The following SLC28A1 variants were observed in gnomAD, a reference collection of about 807,000 sequenced individuals.
SLC28A1 encodes sodium/nucleoside cotransporter 1.
SLC28A1 carries 64 observed loss-of-function variants against 74.8 expected under a neutral mutation model. The ratio of observed to expected loss-of-function variants is 0.86; its 90% CI spans 0.70 to 1.05. SLC28A1 has a LOEUF of 1.05. Ranked by LOEUF, SLC28A1 falls within the 50% of genes least tolerant of loss-of-function variation. The pLI, the probability that SLC28A1 is intolerant of heterozygous loss-of-function variation, is 0.00. For synonymous variants in SLC28A1, 359 were observed against 335.0 expected (o/e 1.07, Z -0.78); for missense variants, 828 against 822.8 (o/e 1.01, Z -0.08).
At chr15:84,928,586 CTTT>C (rs1970843872) in intron 12 of SLC28A1, among the ~76,000 whole-genome samples, 2 of 22,328 alleles carry the variant, frequency 9.0e-5, no homozygotes, top group African/African-American at 8.7e-4. Context: ...TTCTTTCTTT[CTTT>C]CTTTCTTTCT....
intron 4 of SLC28A1, 146 bp from the exon 5 acceptor site, chr15:84,890,297 C>T: frequency 1.5e-6 from 1 of 681,984 alleles, no homozygotes; most frequent in African/African-American, 1.8e-5. Context: ...CTGGGGTTGC[C>T]CTGCAGCCCT....
chr15:84,887,890 C>T, intron 3 of SLC28A1, 34 bp downstream of exon 3: 1 of 1,512,976 alleles, frequency 6.6e-7, no homozygotes. Context: ...ATCCTGACCC[C>T]TCAGCCTCTT....
At chr15:84,889,264 G>A (rs960263042) in intron 4 of SLC28A1, among the ~76,000 whole-genome samples, 5 of 152,212 alleles carry the variant, frequency 3.3e-5, no homozygotes, top group African/African-American at 1.2e-4. Flanking sequence ...TAGAAGCCCA[G>A]AGAGGGGAAG....
intron 12 of SLC28A1, among the ~76,000 whole-genome samples, chr15:84,929,447 G>A (rs1156716425): frequency 6.6e-6 from 1 of 151,880 alleles, no homozygotes; most frequent in Non-Finnish European, 1.5e-5. Flanking sequence ...AGGAGTCTGA[G>A]GTGGGAGAAT....
intron 6 of SLC28A1, among the ~76,000 whole-genome samples, chr15:84,902,181 C>A (rs1966747575): frequency 6.6e-6 from 1 of 152,032 alleles, no homozygotes; most frequent in Non-Finnish European, 1.5e-5. Flanking sequence ...ATATAAAATT[C>A]TTAAAAATGC....
intron 13 of SLC28A1, among the ~76,000 whole-genome samples, chr15:84,934,332 A>T: frequency 6.6e-6 from 1 of 152,116 alleles, no homozygotes. Flanking sequence ...GAAAGGCCCC[A>T]TGCCCCCATC....
the SLC28A1 span, among the ~76,000 whole-genome samples, chr15:84,971,194 A>C: frequency 1.3e-5 from 2 of 152,190 alleles, no homozygotes; most frequent in Non-Finnish European, 2.9e-5. Context: ...AACCACAGAG[A>C]TATTTCAAGT....
At chr15:84,908,582 G>T (rs931390423) in intron 8 of SLC28A1, 136 bp from the exon 9 acceptor site, 2 of 721,028 alleles carry the variant, frequency 2.8e-6, no homozygotes, top group Non-Finnish European at 4.9e-6. Flanking sequence ...ACCTTGCCAG[G>T]TGGTGCCCCC....
At chr15:84,919,599 G>A (rs942697890) in intron 10 of SLC28A1, among the ~76,000 whole-genome samples, 3 of 152,182 alleles carry the variant, frequency 2.0e-5, no homozygotes, top group Non-Finnish European at 1.5e-5. Flanking sequence ...GCAGAAGGCA[G>A]AAGTGAGCAC....
intron 12 of SLC28A1, among the ~76,000 whole-genome samples, chr15:84,928,874 C>T (rs1433302697): frequency 6.6e-6 from 1 of 151,822 alleles, no homozygotes; most frequent in Non-Finnish European, 1.5e-5. Context: ...CCACCCGCCT[C>T]GGCCTCCCAA....
intron 5 of SLC28A1, 21 bp downstream of exon 5, chr15:84,890,555 TA>T: frequency 6.3e-7 from 1 of 1,577,684 alleles, no homozygotes; most frequent in Non-Finnish European, 8.7e-7. Context: ...GGCCCAGCAC[TA>T]CCCAGGACAC....
chr15:84,904,088 T>A lies in SLC28A1; in HGVS notation c.462-9T>A, dbSNP rs765887772. ...CTGAGGGTAATGGCTTTCTGTCTCT[T>A]GCCTGCAGGGGTCTAGCTCTTGCTG... is the stretch of plus-strand genomic sequence containing the variant. On this transcript the variant is annotated splice_polypyrimidine_tract_variant and intron_variant, in intron 6 of 18. Coordinates refer to ENST00000394573, the MANE Select transcript of SLC28A1 (RefSeq NM_004213.5). 12 of 1,614,056 alleles carry A rather than the reference T, an allele frequency of 7.4e-6. No individual in the cohort carries two copies. In the Admixed American group the frequency reaches 2.0e-4, roughly 27 times the overall value.
In SLC28A1 at chr15:84,935,479, G is replaced by T. The variant is rs1971772600; in HGVS notation, c.1542G>T (p.Gly514=). Residue 514 remains glycine (G), a synonymous_variant, in exon 15 of 19, where the codon GGG becomes GGT. Transcript: ENST00000394573. The part of the protein sequence containing the change: ...LSKYKQRRLA[G]AEEWVGDRKQ... ...AGTACAAGCAACGCCGCCTGGCAGG[G>T]GCCGAGGAGTGGGTCGGCGACAGGA... 6.2e-7 allele frequency: 1 copy of T among 1,614,098 alleles called. No individual in the cohort carries two copies. Among genetic ancestry groups the T allele is most frequent in the South Asian group, 1.1e-5 (1 of 91,084 alleles).
In SLC28A1 at chr15:84,935,454, A is replaced by G. The variant is rs1388455770; in HGVS notation, c.1517A>G (p.Lys506Arg). The G allele has an allele frequency of 3.1e-6, 5 of 1,614,102 alleles. No individual in the cohort carries two copies. The highest frequency in any genetic ancestry group is 1.1e-5 in the South Asian group (1 of 91,090). Reference protein sequence around the residue: ...NEFVAYQDLSKYKQRRLAGAE... With the variant: ...NEFVAYQDLSRYKQRRLAGAE... Reference sequence around the variant, plus strand: ...TTTGTGGCCTATCAAGACCTCTCCAAGTACAAGCAACGCCGCCTGGCAGGG... The same window carrying G: ...TTTGTGGCCTATCAAGACCTCTCCAGGTACAAGCAACGCCGCCTGGCAGGG... The change falls in exon 15 of 19, where the codon AAG becomes AGG. Residue 506 changes from lysine (K) to arginine (R), a missense_variant. By Grantham distance (26) the Lys-to-Arg change is conservative. Transcript: ENST00000394573.
At chr15:84,923,695 T>C (rs1439787244) in intron 11 of SLC28A1, among the ~76,000 whole-genome samples, 1 of 152,084 alleles carries the variant, frequency 6.6e-6, no homozygotes, top group African/African-American at 2.4e-5. Flanking sequence ...CCCAATTCTA[T>C]CTCAGAAGGT....
At chr15:84,918,444 C>T in intron 9 of SLC28A1, 80 bp from the exon 10 acceptor site, 1 of 1,032,366 alleles carries the variant, frequency 9.7e-7, no homozygotes, top group Non-Finnish European at 1.5e-6. Context: ...AGTGGGCTGT[C>T]TGGGGTCTCC....
chr15:84,898,562 G>A (rs2141715250), intron 6 of SLC28A1, among the ~76,000 whole-genome samples: 1 of 142,946 alleles, frequency 7.0e-6, no homozygotes, highest in East Asian at 2.0e-4. Context: ...CTGGGCGACA[G>A]AGCAAGACTC....
chr15:84,916,939 A>T (rs375667739), intron 9 of SLC28A1, among the ~76,000 whole-genome samples: 1 of 151,138 alleles, frequency 6.6e-6, no homozygotes, highest in Non-Finnish European at 1.5e-5. Context: ...GAGGCAGGAG[A>T]ATCACTTGAA....
intron 9 of SLC28A1, among the ~76,000 whole-genome samples, chr15:84,910,139 G>A (rs1043760500): frequency 3.3e-5 from 5 of 152,172 alleles, no homozygotes; most frequent in Admixed American, 2.0e-4. Context: ...GGAGGAAAGG[G>A]AGGGGCCCAG....
Sources: allele counts gnomAD v4.1 joint callset (sites outside exome capture counted in the v4.1 genomes callset), GRCh38; gene constraint gnomAD v4.1.1; transcripts MANE v1.5; gene names NCBI Gene and HGNC (gene_info 2026-07-23, HGNC 2026-07-21).